The following CD33 variants were observed in gnomAD, a reference collection of about 807,000 sequenced individuals.
CD33 encodes the protein myeloid cell surface antigen CD33.
In CD33, 25 loss-of-function variants were observed where a neutral mutation model predicts 31.4. The observed-to-expected ratio is 0.80, with a 90% CI of 0.58 to 1.11. The LOEUF is 1.11. Ranked by LOEUF, CD33 falls within the 50% of genes most tolerant of loss-of-function variation. The pLI is 0.00. For synonymous variants in CD33, 176 were observed against 180.6 expected, an observed-to-expected ratio of 0.97 and a Z score of 0.20; for missense variants, 407 against 448.1, an observed-to-expected ratio of 0.91 and a Z score of 0.83.
the CD33 span, chr19:51,211,744 G>T: frequency 1.3e-6 from 1 of 776,064 alleles, no homozygotes; most frequent in African/African-American, 1.7e-5. Flanking sequence ...CCTCAGGGCT[G>T]TACCTCAGTC....
At chr19:51,232,397 G>C (rs1312545230) in intron 4 of CD33, among the ~76,000 whole-genome samples, 2 of 152,170 alleles carry the variant, frequency 1.3e-5, no homozygotes, top group Non-Finnish European at 2.9e-5. Context: ...TGCTTGGGTT[G>C]AATATTTTGA....
In CD33 at chr19:51,239,385, A is replaced by T. The variant is rs190435160; in HGVS notation, c.925-133A>T. The T allele has an allele frequency of 6.2e-5, 38 of 614,588 alleles. No individual in the cohort carries two copies. The Admixed American group carries it at 9.3e-4, about 15-fold the overall frequency. 38.1% of individuals were successfully genotyped at this position (614,588 alleles called of 1,614,324 possible). On this transcript the variant is annotated intron_variant, in intron 6 of 6. Coordinates refer to ENST00000262262, the MANE Select transcript of CD33 (RefSeq NM_001772.4). ...TGAATAAGTAGAGCCTTAATTAATT[A>T]ACATTTGATGAAAGAATGAAAGAGT...
chr19:51,239,182 G>C (rs1981999706), intron 6 of CD33: 1 of 174,734 alleles, frequency 5.7e-6, no homozygotes, highest in Non-Finnish European at 1.2e-5. Flanking sequence ...CAACAGATGT[G>C]TGACTTTGGA....
At chr19:51,226,136 G>A in intron 3 of CD33, 55 bp downstream of exon 3, 1 of 1,589,704 alleles carries the variant, frequency 6.3e-7, no homozygotes, top group Non-Finnish European at 8.6e-7. Context: ...AGACAGGATG[G>A]GCTGGTGCTG....
the CD33 span, among the ~76,000 whole-genome samples, chr19:51,219,117 C>T: frequency 5.9e-5 from 9 of 152,074 alleles, no homozygotes; most frequent in African/African-American, 9.6e-5. Context: ...TTGGGCAGTA[C>T]GGTCATTTTC....
chr19:51,214,760 A>G, the CD33 span, among the ~76,000 whole-genome samples: 1 of 152,184 alleles, frequency 6.6e-6, no homozygotes, highest in African/African-American at 2.4e-5. Context: ...ATTTGCTAAT[A>G]TATGCTCCCA....
the CD33 span, among the ~76,000 whole-genome samples, chr19:51,212,715 C>T: frequency 3.2e-4 from 49 of 152,302 alleles, no homozygotes; most frequent in African/African-American, 1.2e-3. Flanking sequence ...GATACAGTCT[C>T]ATGGGAAGAA....
In CD33 at chr19:51,225,471, T is replaced by G; in HGVS notation, c.291T>G (p.Ser97Arg). Reference sequence around the variant, plus strand: ...GATTCCGCCTCCTTGGGGATCCCAGTAGGAACAACTGCTCCCTGAGCATCG... The same window carrying G: ...GATTCCGCCTCCTTGGGGATCCCAGGAGGAACAACTGCTCCCTGAGCATCG... ...QGRFRLLGDPSRNNCSLSIVD... is the reference protein window; with the variant it reads ...QGRFRLLGDPRRNNCSLSIVD... Residue 97 changes from serine (S) to arginine (R), a missense_variant, in exon 2 of 7, where the codon AGT (serine) becomes AGG (arginine). Coordinates refer to ENST00000262262, the MANE Select transcript of CD33 (RefSeq NM_001772.4). 1.2e-6 allele frequency: 2 copies of G among 1,613,884 alleles called. No individual in the cohort carries two copies. Among genetic ancestry groups the G allele is most frequent in the Non-Finnish European group, 1.7e-6 (2 of 1,179,880 alleles).
At chr19:51,238,025 T>G (rs906170595) in intron 6 of CD33, 1 of 152,232 alleles carries the variant, frequency 6.6e-6, no homozygotes, top group African/African-American at 2.4e-5. Context: ...TGAGCAAAGA[T>G]AGCTCACGGG....
the CD33 span, among the ~76,000 whole-genome samples, chr19:51,216,796 A>C: frequency 1.3e-5 from 2 of 152,198 alleles, no homozygotes; most frequent in Admixed American, 6.5e-5. Context: ...GAAGCATAAG[A>C]TATACTGGGG....
In CD33 at chr19:51,233,281, G is replaced by A. The variant is rs114629842; in HGVS notation, c.746-1876G>A. Among the ~76,000 whole-genome samples the A allele has an allele frequency of 6.7e-3, 1,025 of 152,324 alleles. 6 individuals are homozygous for A. The highest frequency in any genetic ancestry group is 0.023 in the African/African-American group (958 of 41,560). ...TCAGAGGTCTCTCCCATTCAGGTGAGCATGCACAGTAGTTTGGCCAACTCA... is the reference window on the plus strand; with the variant it reads ...TCAGAGGTCTCTCCCATTCAGGTGAACATGCACAGTAGTTTGGCCAACTCA... On this transcript the variant is annotated intron_variant, in intron 4 of 6. Transcript: ENST00000262262.
intron 2 of CD33, 79 bp downstream of exon 2, chr19:51,225,677 C>T: frequency 1.3e-6 from 2 of 1,530,000 alleles, no homozygotes; most frequent in Non-Finnish European, 8.8e-7. Flanking sequence ...GACCCTGGTA[C>T]TGGGAGGGGT....
the CD33 span, among the ~76,000 whole-genome samples, chr19:51,217,258 T>C: frequency 6.6e-6 from 1 of 152,088 alleles, no homozygotes; most frequent in Non-Finnish European, 1.5e-5. Flanking sequence ...TGTTTTTGGA[T>C]GTATTTGGAA....
At position 51,235,229 on chromosome 19, in the gene CD33, T is replaced by C; in HGVS notation, c.818T>C (p.Leu273Pro). 6.2e-7 allele frequency: 1 copy of C among 1,614,112 alleles called. No homozygotes were observed. The highest frequency in any genetic ancestry group is 1.1e-5 in the South Asian group (1 of 91,088). Residue 273 changes from leucine (L) to proline (P), a missense_variant, in exon 5 of 7, where the codon CTT becomes CCT. Coordinates refer to ENST00000262262, the MANE Select transcript of CD33 (RefSeq NM_001772.4). ...GCTGGTGTTACAGCCCTGCTCGCTC[T>C]TTGTCTCTGCCTCATCTTCTTCATG... is the stretch of plus-strand genomic sequence containing the variant. ...GGAGVTALLA[L>P]CLCLIFFIVK...
chr19:51,224,365 G>A (rs565039830), upstream of CD33, among the ~76,000 whole-genome samples: 2 of 152,136 alleles, frequency 1.3e-5, no homozygotes, highest in African/African-American at 4.8e-5. Flanking sequence ...CATTGTATGA[G>A]GGTGAAGTTT....
the CD33 span, among the ~76,000 whole-genome samples, chr19:51,213,134 C>G: frequency 3.3e-5 from 5 of 152,138 alleles, no homozygotes; most frequent in Non-Finnish European, 5.9e-5. Flanking sequence ...CTGACATTCC[C>G]AAAAGTAAGG....
Position 51,238,911 on chromosome 19 carries a change from A to T in CD33, c.925-607A>T, listed in dbSNP as rs1428028772. The T allele has an allele frequency of 2.6e-5, 4 of 152,270 alleles. No individual in the cohort carries two copies. The East Asian group carries it at 7.7e-4, about 29-fold the overall frequency. 9.4% of individuals were successfully genotyped at this position (152,270 alleles called of 1,614,324 possible). On this transcript the variant is annotated intron_variant, in intron 6 of 6. Coordinates refer to ENST00000262262, the MANE Select transcript of CD33 (RefSeq NM_001772.4). Reference sequence around the variant, plus strand: ...CCCTGTTTGTGTAGGGCTTTGCACCACTTGAACTAACTGCATTCCCATAGC... The same window carrying T: ...CCCTGTTTGTGTAGGGCTTTGCACCTCTTGAACTAACTGCATTCCCATAGC...
intron 4 of CD33, among the ~76,000 whole-genome samples, chr19:51,228,311 T>G (rs1981177402): frequency 6.6e-6 from 1 of 152,202 alleles, no homozygotes; most frequent in African/African-American, 2.4e-5. Context: ...TACATTGATA[T>G]TTTGATAGAG....
upstream of CD33, among the ~76,000 whole-genome samples, chr19:51,223,529 C>T (rs1980790278): frequency 6.6e-6 from 1 of 152,136 alleles, no homozygotes; most frequent in South Asian, 2.1e-4. Context: ...CTGTACACTC[C>T]ACTCATGTTG....
Sources: allele counts gnomAD v4.1 joint callset (sites outside exome capture counted in the v4.1 genomes callset), GRCh38; gene constraint gnomAD v4.1.1; transcripts MANE v1.5; gene names NCBI Gene and HGNC (gene_info 2026-07-23, HGNC 2026-07-21).